Variants in RIMS2 observed in about 807,000 individuals in gnomAD.
RIMS2 encodes the protein regulating synaptic membrane exocytosis 2.
Under a neutral mutation model 174.4 loss-of-function variants are expected in RIMS2, and 59 were observed. That is an observed-to-expected ratio of 0.34 (90% CI 0.27 to 0.42). The LOEUF is 0.42. Ranked by LOEUF, RIMS2 falls within the 10% of genes least tolerant of loss-of-function variation. RIMS2 has a pLI of 1.00. For missense variants in RIMS2, 1,620 were observed against 1,666.3 expected, an observed-to-expected ratio of 0.97 and a Z score of 0.48; for synonymous variants, 606 against 572.5, an observed-to-expected ratio of 1.06 and a Z score of -0.84.
At position 104,182,629 on chromosome 8, in the gene RIMS2, G is replaced by A. The variant is rs146988633; in HGVS notation, c.3335-62287G>A. ...TATTCTGGGCTTTCATACAAATGGA[G>A]TCATATAGTATGTGGTGTCTTTGAC... On this transcript the variant is annotated intron_variant, in intron 19 of 23. Transcript: ENST00000504942. 1.0e-3 allele frequency among the ~76,000 whole-genome samples: 159 copies of A among 151,832 alleles called. 1 individual carries two copies. Among genetic ancestry groups the A allele is most frequent in the African/African-American group, 3.8e-3 (158 of 41,472 alleles).
At chr8:104,173,150 T>C (rs928882104) in intron 19 of RIMS2, among the ~76,000 whole-genome samples, 1 of 152,220 alleles carries the variant, frequency 6.6e-6, no homozygotes, top group Admixed American at 6.5e-5. Flanking sequence ...TTTGGTCTTT[T>C]ATTTTTTGAT....
At chr8:103,560,997 TAG>T (rs1042113466) in intron 1 of RIMS2, among the ~76,000 whole-genome samples, 6 of 152,210 alleles carry the variant, frequency 3.9e-5, no homozygotes, top group African/African-American at 9.7e-5. Context: ...AAGCATTTTT[TAG>T]AGTTTGTTTG....
intron 2 of RIMS2, among the ~76,000 whole-genome samples, chr8:103,732,859 G>A (rs554109207): frequency 2.0e-5 from 3 of 152,204 alleles, no homozygotes; most frequent in Non-Finnish European, 2.9e-5. Flanking sequence ...TTTGACTCAG[G>A]GGAGGTCCAG....
At chr8:104,202,411 A>T (rs924193772) in intron 19 of RIMS2, among the ~76,000 whole-genome samples, 4 of 152,238 alleles carry the variant, frequency 2.6e-5, no homozygotes, top group Non-Finnish European at 4.4e-5. Flanking sequence ...TTTAAAAGAG[A>T]CTGGTGAAAG....
chr8:104,107,374 G>A (rs1416049375), intron 19 of RIMS2, among the ~76,000 whole-genome samples: 1 of 152,046 alleles, frequency 6.6e-6, no homozygotes, highest in African/African-American at 2.4e-5. Flanking sequence ...CCCTGTGATA[G>A]TTTTTTAAGT....
intron 10 of RIMS2, among the ~76,000 whole-genome samples, chr8:103,926,653 C>A (rs1264412954): frequency 6.6e-6 from 1 of 151,412 alleles, no homozygotes; most frequent in Non-Finnish European, 1.5e-5. Flanking sequence ...AAGAGAGAAG[C>A]CTTTAACTAT....
intron 19 of RIMS2, among the ~76,000 whole-genome samples, chr8:104,040,373 C>T (rs1161896675): frequency 6.6e-6 from 1 of 151,590 alleles, no homozygotes; most frequent in African/African-American, 2.4e-5. Flanking sequence ...CATACTAGTA[C>T]ACTAATATCT....
At chr8:103,808,611 C>G (rs1355738748) in intron 3 of RIMS2, among the ~76,000 whole-genome samples, 1 of 152,150 alleles carries the variant, frequency 6.6e-6, no homozygotes, top group African/African-American at 2.4e-5. Context: ...TCTCCCTCAA[C>G]CTGCTTCTCC....
At chr8:103,666,781 G>C (rs550667404) in intron 1 of RIMS2, among the ~76,000 whole-genome samples, 77 of 152,130 alleles carry the variant, frequency 5.1e-4, no homozygotes, top group African/African-American at 1.8e-3. Flanking sequence ...TCATCCTTTT[G>C]GTCAGGTTTT....
At chr8:103,804,480 C>T (rs1380080823) in intron 3 of RIMS2, among the ~76,000 whole-genome samples, 1 of 147,474 alleles carries the variant, frequency 6.8e-6, no homozygotes, top group Admixed American at 6.7e-5. Flanking sequence ...GGTAACATAA[C>T]ATATATGGAA....
At chr8:103,559,049 T>A (rs1476000183) in intron 1 of RIMS2, 2 of 127,922 alleles carry the variant, frequency 1.6e-5, no homozygotes, top group East Asian at 4.6e-4. Context: ...TTTCAGATAT[T>A]TTTTAACTTT....
intron 1 of RIMS2, among the ~76,000 whole-genome samples, chr8:103,591,588 G>T (rs2094260575): frequency 6.6e-6 from 1 of 151,082 alleles, no homozygotes; most frequent in African/African-American, 2.4e-5. Flanking sequence ...ATTGTATGTG[G>T]TATGAAGTGA....
intron 11 of RIMS2, among the ~76,000 whole-genome samples, chr8:103,929,579 A>G (rs1359548129): frequency 6.6e-6 from 1 of 151,862 alleles, no homozygotes; most frequent in Non-Finnish European, 1.5e-5. Flanking sequence ...AATGTCTCAG[A>G]AAAAATGAAG....
chr8:103,824,713 T>A (rs1165141397), intron 3 of RIMS2, among the ~76,000 whole-genome samples: 1 of 152,170 alleles, frequency 6.6e-6, no homozygotes, highest in Non-Finnish European at 1.5e-5. Context: ...CATGTTTGGT[T>A]CTAAGAAACA....
intron 19 of RIMS2, among the ~76,000 whole-genome samples, chr8:104,141,020 C>G (rs1599776899): frequency 6.6e-6 from 1 of 152,062 alleles, no homozygotes; most frequent in African/African-American, 2.4e-5. Context: ...GCAAGTGACA[C>G]CTATTTTTGA....
chr8:104,029,220 G>C (rs1469895858), intron 19 of RIMS2, among the ~76,000 whole-genome samples: 1 of 152,090 alleles, frequency 6.6e-6, no homozygotes, highest in African/African-American at 2.4e-5. Flanking sequence ...GGTGGGATTT[G>C]GCTGGCTTCT....
At chr8:103,589,277 T>C (rs151314021) in intron 1 of RIMS2, among the ~76,000 whole-genome samples, 2 of 151,732 alleles carry the variant, frequency 1.3e-5, no homozygotes, top group Non-Finnish European at 3.0e-5. Flanking sequence ...ACAGTTTGAA[T>C]AGGCACTTCT....
intron 1 of RIMS2, among the ~76,000 whole-genome samples, chr8:103,554,901 G>A (rs1051774091): frequency 3.9e-5 from 6 of 152,178 alleles, no homozygotes; most frequent in Admixed American, 2.6e-4. Flanking sequence ...AGAGCTGGAG[G>A]CCATAATCCC....
intron 3 of RIMS2, among the ~76,000 whole-genome samples, chr8:103,821,576 T>C (rs2098751938): frequency 6.6e-6 from 1 of 151,796 alleles, no homozygotes; most frequent in South Asian, 2.1e-4. Context: ...CAAATAGTTA[T>C]TGTTTTAGAA....
Sources: allele counts gnomAD v4.1 joint callset (sites outside exome capture counted in the v4.1 genomes callset), GRCh38; gene constraint gnomAD v4.1.1; transcripts MANE v1.5; gene names NCBI Gene and HGNC (gene_info 2026-07-23, HGNC 2026-07-21).